The following TSGA13 variants were observed in gnomAD, a reference collection of about 807,000 sequenced individuals.
The protein encoded by TSGA13 is testis-specific gene 13 protein.
A neutral mutation model predicts 35.1 loss-of-function variants in TSGA13; 37 were observed. The ratio of observed to expected loss-of-function variants is 1.05; its 90% confidence interval spans 0.81 to 1.39. The LOEUF is 1.39. Ranked by LOEUF, TSGA13 falls within the 40% of genes most tolerant of loss-of-function variation. The probability of loss-of-function intolerance (pLI) is 0.00; values close to 1 mark genes in which losing one functional copy is unlikely to be tolerated. For synonymous variants in TSGA13, 124 were observed against 121.2 expected, an observed-to-expected ratio of 1.02 and a Z score of -0.15; for missense variants, 338 against 328.5, an observed-to-expected ratio of 1.03 and a Z score of -0.22.
chr7:130,675,296 C>T (rs1554463988), intron 5 of TSGA13, among the ~76,000 whole-genome samples: 1 of 150,242 alleles, frequency 6.7e-6, no homozygotes, highest in Admixed American at 6.7e-5. Flanking sequence ...ACTTCTACTT[C>T]CTACTTCCCT....
intron 3 of TSGA13, 59 bp from the exon 4 acceptor site, chr7:130,681,076 A>T (rs367558876): frequency 7.0e-7 from 1 of 1,424,344 alleles, no homozygotes; most frequent in African/African-American, 1.4e-5. Flanking sequence ...ACAGTATTCC[A>T]TTCCTTACCT....
chr7:130,670,781 C>G (rs546360105), intron 7 of TSGA13, among the ~76,000 whole-genome samples: 1 of 152,026 alleles, frequency 6.6e-6, no homozygotes, highest in African/African-American at 2.4e-5. Flanking sequence ...CCGCCACACC[C>G]TGTTAAATTT....
intron 5 of TSGA13, among the ~76,000 whole-genome samples, chr7:130,675,225 G>GTATA (rs576412690): frequency 3.3e-5 from 5 of 149,374 alleles, no homozygotes; most frequent in East Asian, 2.0e-4. Context: ...AAATATGTGT[G>GTATA]TATATATATA....
At chr7:130,670,669 G>A (rs1231947357) in intron 7 of TSGA13, among the ~76,000 whole-genome samples, 1 of 152,130 alleles carries the variant, frequency 6.6e-6, no homozygotes, top group African/African-American at 2.4e-5. Context: ...ACCCAGGCTG[G>A]AGTGCAATGG....
At chr7:130,671,638 T>G (rs1554462957) in intron 7 of TSGA13, 23 bp downstream of exon 7, 1 of 1,548,108 alleles carries the variant, frequency 6.5e-7, no homozygotes, top group Admixed American at 1.8e-5. Context: ...AGTAAGCCTT[T>G]GCTTTGAAAG....
intron 5 of TSGA13, among the ~76,000 whole-genome samples, chr7:130,676,617 T>C (rs1796416166): frequency 6.6e-6 from 1 of 152,196 alleles, no homozygotes. Context: ...ATGCGGTAAA[T>C]TCATTAACTC....
chr7:130,681,393 T>G (rs1164124305), intron 3 of TSGA13, among the ~76,000 whole-genome samples: 3 of 152,042 alleles, frequency 2.0e-5, no homozygotes, highest in African/African-American at 7.2e-5. Flanking sequence ...TGAAATGAGG[T>G]GAAAATCAAC....
intron 5 of TSGA13, among the ~76,000 whole-genome samples, chr7:130,678,152 G>A (rs1796455097): frequency 6.6e-6 from 1 of 152,198 alleles, no homozygotes; most frequent in African/African-American, 2.4e-5. Context: ...GCCAAGGCGG[G>A]TGGATCACAA....
rs554073255 is a variant in TSGA13, at chr7:130,668,829, C to A, written c.*185G>T. On this transcript the variant is annotated 3_prime_UTR_variant, in exon 8 of 8. Coordinates refer to ENST00000356588, the MANE Select transcript of TSGA13 (RefSeq NM_052933.4). ...GCCCGCCCTCCCCGGCCGCCCTCGG[C>A]CCCCGGGACGCAGCCACGCCCCCTT... is the stretch of plus-strand genomic sequence containing the variant. 182 of 1,273,670 alleles carry A rather than the reference C, an allele frequency of 1.4e-4. No homozygotes were observed. The African/African-American group carries it at 2.8e-3, about 19-fold the overall frequency. The allele number at this position is 1,273,670 out of a possible 1,614,324, so 78.9% of individuals were successfully genotyped here.
chr7:130,674,152 CTTT>C (rs1178676560), intron 5 of TSGA13, among the ~76,000 whole-genome samples: 1 of 133,750 alleles, frequency 7.5e-6, no homozygotes, highest in Non-Finnish European at 1.6e-5. Flanking sequence ...TTCTTTTCTT[CTTT>C]TTTTTCTTTT....
intron 6 of TSGA13, 27 bp downstream of exon 6, chr7:130,672,707 C>G (rs782136246): frequency 6.2e-7 from 1 of 1,602,760 alleles, no homozygotes. Context: ...GGAAAGAAAG[C>G]AAGTACAAGA....
In TSGA13 at chr7:130,685,244, G is replaced by A. The variant is rs1180622463; in HGVS notation, c.-34C>T. The A allele has an allele frequency of 3.2e-5, 51 of 1,611,858 alleles. No individual in the cohort carries two copies. The highest frequency in any genetic ancestry group is 4.2e-5 in the Non-Finnish European group (49 of 1,178,172). Reference sequence around the variant, plus strand: ...ACTGCTAGTTGGCCAACCCAAGGCAGGTATTCACCCAAGGCCAAATTCAGG... The same window carrying A: ...ACTGCTAGTTGGCCAACCCAAGGCAAGTATTCACCCAAGGCCAAATTCAGG... On this transcript the variant is annotated 5_prime_UTR_variant, in exon 2 of 8. Transcript: ENST00000356588.
At chr7:130,676,931 C>T (rs1257231658) in intron 5 of TSGA13, among the ~76,000 whole-genome samples, 2 of 150,334 alleles carry the variant, frequency 1.3e-5, no homozygotes, top group Non-Finnish European at 2.9e-5. Flanking sequence ...CTCCCTCTGT[C>T]GCCCAGGCTG....
chr7:130,669,680 A>G (rs1554462674), intron 7 of TSGA13, among the ~76,000 whole-genome samples: 1 of 152,244 alleles, frequency 6.6e-6, no homozygotes, highest in Non-Finnish European at 1.5e-5. Flanking sequence ...ATTACATTCT[A>G]CATCCTAGAG....
intron 6 of TSGA13, 77 bp from the exon 7 acceptor site, chr7:130,671,865 A>T: frequency 1.4e-6 from 1 of 725,230 alleles, no homozygotes. Context: ...ATTTTATTTT[A>T]TTTTATTTTA....
intron 6 of TSGA13, among the ~76,000 whole-genome samples, chr7:130,671,991 A>C (rs1247500425): frequency 6.6e-6 from 1 of 151,912 alleles, no homozygotes; most frequent in Non-Finnish European, 1.5e-5. Context: ...CCCAGGTTCA[A>C]GCGATTCTCC....
At chr7:130,680,454 CGAGAT>C (rs1796517535) in intron 4 of TSGA13, among the ~76,000 whole-genome samples, 1 of 149,880 alleles carries the variant, frequency 6.7e-6, no homozygotes. Context: ...TGCAGTGAGC[CGAGAT>C]CGCACCACTG....
chr7:130,677,837 C>T (rs563658634), intron 5 of TSGA13, among the ~76,000 whole-genome samples: 4 of 152,320 alleles, frequency 2.6e-5, no homozygotes, highest in Middle Eastern at 3.4e-3. Context: ...TGGGTCACTT[C>T]CCTACTCACT....
intron 6 of TSGA13, 43 bp downstream of exon 6, chr7:130,672,691 A>G (rs1796306919): frequency 6.3e-7 from 1 of 1,596,640 alleles, no homozygotes; most frequent in Non-Finnish European, 8.5e-7. Flanking sequence ...GAATAGGGAA[A>G]AGATAGGAAA....
Sources: gnomAD v4.1 joint callset for allele counts (sites outside exome capture counted in the v4.1 genomes callset) on GRCh38, gnomAD v4.1.1 for gene constraint, MANE v1.5 for transcripts, NCBI Gene and HGNC (gene_info 2026-07-23, HGNC 2026-07-21) for gene names.